The following CDK14 variants were observed in gnomAD, a reference collection of about 807,000 sequenced individuals.
The protein encoded by CDK14 is cyclin-dependent kinase 14.
A neutral mutation model predicts 60.7 loss-of-function variants in CDK14; 34 were observed. That is an observed-to-expected ratio of 0.56 (90% confidence interval 0.43 to 0.75). CDK14 has a LOEUF of 0.75. CDK14 is among the 30% of genes least tolerant of loss of function. CDK14 has a pLI of 0.00. For missense variants in CDK14, 482 were observed against 564.1 expected (o/e 0.85, Z 1.47); for synonymous variants, 197 against 203.7 (o/e 0.97, Z 0.28).
intron 10 of CDK14, among the ~76,000 whole-genome samples, chr7:91,017,336 AG>A (rs1351662465): frequency 6.6e-6 from 1 of 152,192 alleles, no homozygotes; most frequent in Non-Finnish European, 1.5e-5. Flanking sequence ...GCATGCAGGG[AG>A]GATTTCTAGC....
intron 10 of CDK14, among the ~76,000 whole-genome samples, chr7:91,041,112 A>G (rs1338421625): frequency 6.6e-6 from 1 of 151,764 alleles, no homozygotes; most frequent in Admixed American, 6.6e-5. Flanking sequence ...GTATGGGGCC[A>G]TCATTACCTC....
At chr7:90,708,641 C>A (rs1413769440) in intron 2 of CDK14, among the ~76,000 whole-genome samples, 1 of 152,054 alleles carries the variant, frequency 6.6e-6, no homozygotes, top group African/African-American at 2.4e-5. Context: ...TCATTTAAAC[C>A]AATTAGGATG....
intron 3 of CDK14, among the ~76,000 whole-genome samples, chr7:90,735,975 C>G (rs1181368070): frequency 6.6e-6 from 1 of 152,238 alleles, no homozygotes; most frequent in African/African-American, 2.4e-5. Flanking sequence ...CGGGAATCTC[C>G]TGGTCTTCCG....
chr7:91,100,810 G>A (rs1377079207), intron 12 of CDK14, among the ~76,000 whole-genome samples: 1 of 152,100 alleles, frequency 6.6e-6, no homozygotes, highest in Non-Finnish European at 1.5e-5. Flanking sequence ...CATTTTTCTG[G>A]CCCACTTTTG....
chr7:90,911,634 G>C (rs941019791), intron 7 of CDK14, among the ~76,000 whole-genome samples: 1 of 149,412 alleles, frequency 6.7e-6, no homozygotes, highest in South Asian at 2.1e-4. Flanking sequence ...GACCATTCAT[G>C]GAGCAGGACA....
intron 5 of CDK14, among the ~76,000 whole-genome samples, chr7:90,797,587 A>G (rs1788484519): frequency 6.6e-6 from 1 of 151,988 alleles, no homozygotes; most frequent in South Asian, 2.1e-4. Flanking sequence ...GTTGTAAAGA[A>G]ATACCTGAGA....
At chr7:90,646,728 G>A (rs10244550) in intron 2 of CDK14, among the ~76,000 whole-genome samples, 2,080 of 152,180 alleles carry the variant, frequency 0.014, 59 homozygotes, top group African/African-American at 0.048. Context: ...CATGTATATA[G>A]ATCCAACTCA....
intron 10 of CDK14, among the ~76,000 whole-genome samples, chr7:90,996,775 A>G (rs1413048622): frequency 6.6e-6 from 1 of 152,212 alleles, no homozygotes. Flanking sequence ...TCTTAGTATA[A>G]TACCTAATAT....
At chr7:90,945,823 C>G (rs1794083107) in intron 8 of CDK14, among the ~76,000 whole-genome samples, 1 of 152,160 alleles carries the variant, frequency 6.6e-6, no homozygotes, top group Non-Finnish European at 1.5e-5. Context: ...ATTTCACAGA[C>G]AAAGCCACTG....
rs577117889 is a variant in CDK14, at chr7:90,863,670, A to G, written c.639+401A>G. Among the ~76,000 whole-genome samples, 848 of 145,960 alleles carry G rather than the reference A, an allele frequency of 5.8e-3. 8 individuals are homozygous for G. The highest frequency in any genetic ancestry group is 7.0e-3 in the Middle Eastern group (2 of 284). ...TTCTCAAAAGCATGCTTATTAAGAT[A>G]TGTGTGTGTGTGTGTGTGTGTGTGT... On this transcript the variant is annotated intron_variant, in intron 6 of 14. Coordinates refer to ENST00000380050, the MANE Select transcript of CDK14 (RefSeq NM_001287135.2).
In CDK14 at chr7:91,048,740, C is replaced by T. The variant is rs145290301; in HGVS notation, c.1105+2780C>T. On this transcript the variant is annotated intron_variant, in intron 11 of 14. Coordinates refer to ENST00000380050, the MANE Select transcript of CDK14 (RefSeq NM_001287135.2). Reference sequence around the variant, plus strand: ...GGAATTTCAGTAAAGTTTTAATTTGCATGTGTCTTGTGATGAGGTTGAGCA... The same window carrying T: ...GGAATTTCAGTAAAGTTTTAATTTGTATGTGTCTTGTGATGAGGTTGAGCA... Among the ~76,000 whole-genome samples, 340 of 152,274 alleles carry T rather than the reference C, an allele frequency of 2.2e-3. 1 individual carries two copies. Among genetic ancestry groups the T allele is most frequent in the Non-Finnish European group, 3.7e-3 (251 of 68,016 alleles).
At chr7:90,611,564 C>A (rs2116341640) in intron 2 of CDK14, among the ~76,000 whole-genome samples, 1 of 152,304 alleles carries the variant, frequency 6.6e-6, no homozygotes, top group East Asian at 1.9e-4. Flanking sequence ...TTGTTCCTTG[C>A]TGTCATATCC....
At chr7:90,962,731 A>G (rs964795607) in intron 9 of CDK14, among the ~76,000 whole-genome samples, 1 of 152,234 alleles carries the variant, frequency 6.6e-6, no homozygotes, top group Admixed American at 6.5e-5. Context: ...GCTATCCACA[A>G]ACTGGTTTTG....
At chr7:90,948,004 ATACT>A (rs1201743326) in intron 8 of CDK14, among the ~76,000 whole-genome samples, 3 of 152,322 alleles carry the variant, frequency 2.0e-5, no homozygotes, top group Non-Finnish European at 2.9e-5. Context: ...ATATAGATAC[ATACT>A]TGTATAATGT....
intron 4 of CDK14, among the ~76,000 whole-genome samples, chr7:90,778,954 T>C (rs1359698403): frequency 6.6e-6 from 1 of 151,540 alleles, no homozygotes; most frequent in Non-Finnish European, 1.5e-5. Flanking sequence ...TTCTTTTCTC[T>C]TTTTTAAGAC....
chr7:91,192,232 C>T (rs1447521036), intron 14 of CDK14, among the ~76,000 whole-genome samples: 2 of 152,106 alleles, frequency 1.3e-5, no homozygotes, highest in Non-Finnish European at 2.9e-5. Context: ...ATACCACAGC[C>T]CTGAAATGAC....
chr7:90,980,028 A>G (rs1186318953), intron 9 of CDK14, among the ~76,000 whole-genome samples: 3 of 152,134 alleles, frequency 2.0e-5, no homozygotes, highest in Non-Finnish European at 4.4e-5. Flanking sequence ...TTTCAATCCT[A>G]AAAGATTGTC....
chr7:90,863,235 C>G lies in CDK14; in HGVS notation c.605C>G (p.Thr202Ser). The change falls in exon 6 of 15, where the codon ACC becomes AGC. Residue 202 changes from threonine to serine, a missense_variant. Physicochemically the swap from Thr to Ser is moderately conservative, Grantham distance 58. Transcript: ENST00000380050. ...NIVLLHDIIH[T>S]KETLTLVFEY... ...GTGCTACTTCATGACATCATCCATA[C>G]CAAGGAGACGCTGACACTTGTGTTT... 2 of 1,607,230 alleles carry G rather than the reference C, an allele frequency of 1.2e-6. No homozygotes were observed. Among genetic ancestry groups the G allele is most frequent in the Non-Finnish European group, 1.7e-6 (2 of 1,174,766 alleles).
At chr7:90,777,766 C>T (rs547176884) in intron 4 of CDK14, among the ~76,000 whole-genome samples, 1 of 152,324 alleles carries the variant, frequency 6.6e-6, no homozygotes, top group East Asian at 1.9e-4. Context: ...GGATGGAATC[C>T]TCTGTGCCTC....
Sources: allele counts gnomAD v4.1 joint callset (sites outside exome capture counted in the v4.1 genomes callset), GRCh38; gene constraint gnomAD v4.1.1; transcripts MANE v1.5; gene names NCBI Gene and HGNC (gene_info 2026-07-23, HGNC 2026-07-21).